BRINP3: variants seen among roughly 807,000 people sequenced by gnomAD.
The protein encoded by BRINP3 is BMP/retinoic acid inducible neural specific 3.
A neutral mutation model predicts 71.0 loss-of-function variants in BRINP3; 19 were observed. The ratio of observed to expected loss-of-function variants is 0.27; its 90% CI spans 0.19 to 0.39. The LOEUF is 0.39. Among genes scored for constraint, BRINP3 ranks in the 10% least tolerant of loss-of-function variants. BRINP3 has a pLI of 1.00. For synonymous variants in BRINP3, 380 were observed against 337.7 expected (o/e 1.13, Z -1.37); for missense variants, 959 against 940.8 (o/e 1.02, Z -0.25).
At chr1:190,331,618 A>G (rs1666969328) in intron 2 of BRINP3, among the ~76,000 whole-genome samples, 1 of 152,072 alleles carries the variant, frequency 6.6e-6, no homozygotes, top group African/African-American at 2.4e-5. Context: ...TGTTCCTTTC[A>G]GACATGGTTT....
chr1:190,285,160 G>T lies in BRINP3; in HGVS notation c.237-3410C>A, dbSNP rs186568741. ...TAAAACAACAAAATAATCCTAAGAA[G>T]TGGTGATAAGAGCGCTTTAAGTAAA... On this transcript the variant is annotated intron_variant, in intron 2 of 7. Transcript: ENST00000367462. 5.5e-4 allele frequency among the ~76,000 whole-genome samples: 83 copies of T among 152,226 alleles called. 3 individuals are homozygous for T. The East Asian group carries it at 0.015, about 27-fold the overall frequency.
At chr1:190,394,208 A>G (rs1671429280) in intron 2 of BRINP3, among the ~76,000 whole-genome samples, 1 of 151,562 alleles carries the variant, frequency 6.6e-6, no homozygotes, top group African/African-American at 2.4e-5. Flanking sequence ...CACTACTGTA[A>G]CAATTTATAA....
chr1:190,326,173 A>G (rs1005367153), intron 2 of BRINP3, among the ~76,000 whole-genome samples: 3 of 152,148 alleles, frequency 2.0e-5, no homozygotes, highest in African/African-American at 7.2e-5. Flanking sequence ...CCAGACCATA[A>G]CAGAAGCATT....
chr1:190,335,593 T>C (rs1293225061), intron 2 of BRINP3, among the ~76,000 whole-genome samples: 1 of 151,872 alleles, frequency 6.6e-6, no homozygotes, highest in Non-Finnish European at 1.5e-5. Flanking sequence ...GTATAAAATC[T>C]TAACCCCAAA....
intron 2 of BRINP3, among the ~76,000 whole-genome samples, chr1:190,419,919 T>C (rs1673260718): frequency 6.6e-6 from 1 of 151,788 alleles, no homozygotes; most frequent in African/African-American, 2.4e-5. Context: ...TGGTTTCAAA[T>C]GGGGTTGGCA....
chr1:190,475,552 A>G (rs1245504600), intron 1 of BRINP3, among the ~76,000 whole-genome samples: 1 of 152,134 alleles, frequency 6.6e-6, no homozygotes, highest in Non-Finnish European at 1.5e-5. Flanking sequence ...GGTTATTCCC[A>G]CATCAACACC....
At chr1:190,306,635 C>T (rs925599969) in intron 2 of BRINP3, among the ~76,000 whole-genome samples, 1 of 151,716 alleles carries the variant, frequency 6.6e-6, no homozygotes, top group African/African-American at 2.4e-5. Context: ...AACATATCAA[C>T]ATTCTCTGTA....
intron 7 of BRINP3, among the ~76,000 whole-genome samples, chr1:190,103,358 G>C (rs967227436): frequency 2.6e-5 from 4 of 151,930 alleles, no homozygotes; most frequent in Non-Finnish European, 5.9e-5. Flanking sequence ...TGCTCATAAT[G>C]AAACAACATG....
At chr1:190,362,950 C>T (rs1191461931) in intron 2 of BRINP3, among the ~76,000 whole-genome samples, 2 of 152,078 alleles carry the variant, frequency 1.3e-5, no homozygotes, top group Non-Finnish European at 2.9e-5. Context: ...AAAATAAAAT[C>T]TTGATTCCAG....
Position 190,454,679 on chromosome 1 carries a change from A to T in BRINP3, c.212T>A (p.Phe71Tyr). ...TDFVDRSRQG[F>Y]STRYKIYREF... ...CCTGTATATCTTGTATCTTGTGCTAAATCCCTGCCGGCTTCTGTCCACAAA... is the reference window on the plus strand; with the variant it reads ...CCTGTATATCTTGTATCTTGTGCTATATCCCTGCCGGCTTCTGTCCACAAA... The change falls in exon 2 of 8, where the codon TTT becomes TAT. Residue 71 changes from phenylalanine (F) to tyrosine (Y), a missense_variant. Transcript: ENST00000367462. 1 of 1,614,064 alleles carries T rather than the reference A, an allele frequency of 6.2e-7. No individual in the cohort carries two copies. Among genetic ancestry groups the T allele is most frequent in the South Asian group, 1.1e-5 (1 of 91,058 alleles).
rs140049635 is a variant in BRINP3 at position 190,422,846 on chromosome 1, A to G, written c.236+31809T>C. On this transcript the variant is annotated intron_variant, in intron 2 of 7. Transcript: ENST00000367462. ...ATTAAAATAGTTTTTCCATATTACAATCTTCTTTTGACATATATGACTTAC... is the reference window on the plus strand; with the variant it reads ...ATTAAAATAGTTTTTCCATATTACAGTCTTCTTTTGACATATATGACTTAC... Among the ~76,000 whole-genome samples, 63 of 151,932 alleles carry G rather than the reference A, an allele frequency of 4.1e-4. 1 individual carries two copies. The East Asian group carries it at 0.011, about 27-fold the overall frequency.
intron 2 of BRINP3, among the ~76,000 whole-genome samples, chr1:190,452,852 G>T (rs1349788012): frequency 3.3e-5 from 5 of 152,000 alleles, no homozygotes; most frequent in East Asian, 3.9e-4. Flanking sequence ...ACGAGACTCC[G>T]TCCCAAAAAA....
intron 6 of BRINP3, among the ~76,000 whole-genome samples, chr1:190,192,028 T>C (rs1314636859): frequency 6.6e-6 from 1 of 152,136 alleles, no homozygotes; most frequent in Non-Finnish European, 1.5e-5. Flanking sequence ...TTGCTGAAAT[T>C]GACTTATTAT....
At position 190,264,906 on chromosome 1, in the gene BRINP3, G is replaced by T. The variant is rs1469434553; in HGVS notation, c.577C>A (p.Arg193=). The change falls in exon 4 of 8, where the codon CGG becomes AGG. Residue 193 remains arginine (R), a synonymous_variant. Coordinates refer to ENST00000367462, the MANE Select transcript of BRINP3 (RefSeq NM_199051.3). ...GCAATTTGAATGTGGTGAAGTCTCC[G>T]AAGGGTGCTGTCCCTGTCAATGAAA... ...SYFIDRDSTL[R]RLHHIQIAST... is the part of the protein sequence containing the mutation. 4 of 1,613,584 alleles carry T rather than the reference G, an allele frequency of 2.5e-6. No homozygotes were observed. In the Admixed American group the frequency reaches 5.0e-5, roughly 20 times the overall value.
intron 7 of BRINP3, among the ~76,000 whole-genome samples, chr1:190,138,735 AG>A (rs1285745494): frequency 3.3e-5 from 5 of 152,166 alleles, no homozygotes; most frequent in Non-Finnish European, 7.3e-5. Flanking sequence ...CAACAGAGAC[AG>A]GTGGGTCTCA....
intron 4 of BRINP3, among the ~76,000 whole-genome samples, chr1:190,251,910 T>G (rs1660182142): frequency 6.6e-6 from 1 of 150,706 alleles, no homozygotes; most frequent in African/African-American, 2.5e-5. Context: ...GTAGGCAAAC[T>G]AATCCAGTTT....
At chr1:190,305,033 C>T (rs1459318433) in intron 2 of BRINP3, among the ~76,000 whole-genome samples, 1 of 151,708 alleles carries the variant, frequency 6.6e-6, no homozygotes, top group East Asian at 1.9e-4. Flanking sequence ...TATTAATCAT[C>T]AGAGAAACAC....
At chr1:190,263,808 G>A (rs916792493) in intron 4 of BRINP3, among the ~76,000 whole-genome samples, 5 of 151,800 alleles carry the variant, frequency 3.3e-5, no homozygotes, top group Non-Finnish European at 7.4e-5. Context: ...GCATGGTCTC[G>A]ATCTCCCGAC....
intron 2 of BRINP3, among the ~76,000 whole-genome samples, chr1:190,427,860 A>C (rs943398256): frequency 1.4e-5 from 2 of 144,658 alleles, no homozygotes; most frequent in African/African-American, 5.1e-5. Context: ...AGTATGCATT[A>C]GGTTTTTTTT....
Sources: gnomAD v4.1 joint callset for allele counts (sites outside exome capture counted in the v4.1 genomes callset) on GRCh38, gnomAD v4.1.1 for gene constraint, MANE v1.5 for transcripts, NCBI Gene and HGNC (gene_info 2026-07-23, HGNC 2026-07-21) for gene names.